The following TENT5D variants were observed in gnomAD, a reference collection of about 807,000 sequenced individuals.
The protein encoded by TENT5D is terminal nucleotidyltransferase 5D, also known as cancer/testis antigen 112.
For missense variants in TENT5D, 191 were observed against 287.0 expected, an observed-to-expected ratio of 0.67 and a Z score of 2.42; for synonymous variants, 103 against 100.6, an observed-to-expected ratio of 1.02 and a Z score of -0.15.
intron 3 of TENT5D, among the ~76,000 whole-genome samples, chrX:80,372,539 G>A (rs181317864): frequency 1.8e-5 from 2 of 110,913 alleles, no homozygotes; most frequent in East Asian, 2.8e-4. Flanking sequence ...CGTCTCGTGG[G>A]ATGATTGCAT....
intron 3 of TENT5D, among the ~76,000 whole-genome samples, chrX:80,407,029 A>C (rs1197377666): frequency 6.5e-5 from 7 of 108,006 alleles, no homozygotes; most frequent in South Asian, 4.2e-4. Context: ...GAAATAAAAT[A>C]CTTTACAGAC....
At chrX:80,409,194 A>G (rs1931577384) in intron 3 of TENT5D, among the ~76,000 whole-genome samples, 1 of 111,024 alleles carries the variant, frequency 9.0e-6, no homozygotes, top group African/African-American at 3.3e-5. Context: ...GGCACAAGAC[A>G]GGGATGCCCT....
intron 3 of TENT5D, among the ~76,000 whole-genome samples, chrX:80,398,998 AT>A (rs1931341399): frequency 8.9e-6 from 1 of 112,005 alleles, no homozygotes; most frequent in Admixed American, 9.4e-5. Flanking sequence ...TTCCTTATAT[AT>A]TTTGGACAAT....
intron 3 of TENT5D, among the ~76,000 whole-genome samples, chrX:80,395,715 C>A (rs1931227173): frequency 9.1e-6 from 1 of 110,173 alleles, no homozygotes; most frequent in African/African-American, 3.3e-5. Flanking sequence ...TGTCAAATAT[C>A]CTTTTTCTAG....
intron 3 of TENT5D, among the ~76,000 whole-genome samples, chrX:80,392,633 C>T (rs1387998904): frequency 7.8e-5 from 8 of 102,321 alleles, no homozygotes; most frequent in African/African-American, 2.9e-4. Flanking sequence ...TCTCCTGCCT[C>T]AGCCTCCCGA....
At chrX:80,439,597 T>G (rs1316176078) in intron 2 of TENT5D, among the ~76,000 whole-genome samples, 1 of 111,204 alleles carries the variant, frequency 9.0e-6, no homozygotes, top group African/African-American at 3.2e-5. Flanking sequence ...GTACATTATG[T>G]GAAAATGAAC....
At chrX:80,431,593 A>C (rs771761420) in intron 1 of TENT5D, among the ~76,000 whole-genome samples, 5 of 111,956 alleles carry the variant, frequency 4.5e-5, no homozygotes, top group Admixed American at 9.5e-5. Context: ...CCTGACAATC[A>C]TGTTGGAAGG....
chrX:80,367,810 G>T (rs1235185055), intron 3 of TENT5D, among the ~76,000 whole-genome samples: 1 of 111,702 alleles, frequency 9.0e-6, no homozygotes, highest in Non-Finnish European at 1.9e-5. Flanking sequence ...AACTCATGGA[G>T]ATAAAGAGCA....
intron 3 of TENT5D, among the ~76,000 whole-genome samples, chrX:80,375,839 G>A (rs1342616511): frequency 9.0e-6 from 1 of 111,694 alleles, no homozygotes; most frequent in Non-Finnish European, 1.9e-5. Flanking sequence ...AGCCCTCTTT[G>A]TAGAGTGCTG....
At chrX:80,411,958 C>T (rs2147554332) in intron 3 of TENT5D, among the ~76,000 whole-genome samples, 1 of 112,321 alleles carries the variant, frequency 8.9e-6, no homozygotes, top group East Asian at 2.8e-4. Flanking sequence ...TGTGTGGGGG[C>T]TCCAACCCCA....
At chrX:80,352,970 C>T (rs1930216632) in intron 3 of TENT5D, among the ~76,000 whole-genome samples, 1 of 111,059 alleles carries the variant, frequency 9.0e-6, no homozygotes, top group Non-Finnish European at 1.9e-5. Context: ...AGTCAACAGC[C>T]CACCCTGCTT....
At chrX:80,401,069 A>G (rs1440949084) in intron 3 of TENT5D, among the ~76,000 whole-genome samples, 1 of 111,762 alleles carries the variant, frequency 8.9e-6, no homozygotes, top group Admixed American at 9.5e-5. Context: ...CTTTCCATTT[A>G]TTTGTGTCTT....
At chrX:80,434,244 A>G (rs1234793495) in intron 1 of TENT5D, among the ~76,000 whole-genome samples, 5 of 109,533 alleles carry the variant, frequency 4.6e-5, no homozygotes, top group Admixed American at 9.7e-5. Context: ...TATAAATAGC[A>G]CTAACATGGA....
chrX:80,357,214 A>G (rs1054387969), intron 3 of TENT5D, among the ~76,000 whole-genome samples: 16 of 111,949 alleles, frequency 1.4e-4, no homozygotes, highest in African/African-American at 5.2e-4. Flanking sequence ...TAGCACTGCA[A>G]TAAACATACA....
chrX:80,358,458 C>T (rs1373106545), intron 3 of TENT5D, among the ~76,000 whole-genome samples: 1 of 112,208 alleles, frequency 8.9e-6, no homozygotes, highest in South Asian at 3.6e-4. Context: ...TAAAAAGGAA[C>T]TATAGTGAAG....
chrX:80,387,960 A>G (rs1250879055), intron 3 of TENT5D, among the ~76,000 whole-genome samples: 1 of 110,660 alleles, frequency 9.0e-6, no homozygotes, highest in Non-Finnish European at 1.9e-5. Flanking sequence ...AGTCCTTCCC[A>G]CTGTTCTCTC....
At chrX:80,352,716 C>CA (rs1930205681) in intron 3 of TENT5D, among the ~76,000 whole-genome samples, 2 of 9,909 alleles carry the variant, frequency 2.0e-4, no homozygotes, top group Non-Finnish European at 3.6e-4. Context: ...ACGAAGCAAA[C>CA]AAACAAAAAA....
chrX:80,347,045 T>C (rs1930078000), intron 3 of TENT5D, among the ~76,000 whole-genome samples: 1 of 111,985 alleles, frequency 8.9e-6, no homozygotes, highest in Non-Finnish European at 1.9e-5. Context: ...CCGTAGTGTA[T>C]ATGGGCCACA....
chrX:80,425,466 C>T (rs927399092), intron 1 of TENT5D, among the ~76,000 whole-genome samples: 2 of 112,138 alleles, frequency 1.8e-5, no homozygotes, highest in Non-Finnish European at 3.8e-5. Context: ...ATCCTGTATG[C>T]TTTTCCATTA....
Sources: allele counts gnomAD v4.1 joint callset (sites outside exome capture counted in the v4.1 genomes callset), GRCh38; gene constraint gnomAD v4.1.1; transcripts MANE v1.5; gene names NCBI Gene and HGNC (gene_info 2026-07-23, HGNC 2026-07-21).